CLSTN2: variants seen among roughly 807,000 people sequenced by gnomAD.
The protein encoded by CLSTN2 is calsyntenin-2.
A neutral mutation model predicts 101.2 loss-of-function variants in CLSTN2; 48 were observed. That is an observed-to-expected ratio of 0.47 (90% CI 0.38 to 0.60). The LOEUF (loss-of-function observed/expected upper bound fraction) is 0.60, where lower values mean the gene tolerates loss of function less well. CLSTN2 is among the 20% of genes least tolerant of loss of function. The probability of loss-of-function intolerance (pLI) is 0.00; values close to 1 mark genes in which losing one functional copy is unlikely to be tolerated. For missense variants in CLSTN2, 1,160 were observed against 1,238.2 expected, an observed-to-expected ratio of 0.94 and a Z score of 0.95; for synonymous variants, 481 against 463.6, an observed-to-expected ratio of 1.04 and a Z score of -0.48.
intron 1 of CLSTN2, among the ~76,000 whole-genome samples, chr3:139,954,963 G>T (rs1406015399): frequency 6.6e-6 from 1 of 151,426 alleles, no homozygotes; most frequent in African/African-American, 2.4e-5. Context: ...TAAATGGATG[G>T]GATTTAGTAT....
At chr3:140,542,335 C>CT (rs1327307771) in intron 9 of CLSTN2, among the ~76,000 whole-genome samples, 1 of 152,156 alleles carries the variant, frequency 6.6e-6, no homozygotes. Context: ...TAACAGAAGG[C>CT]TAGTCATACA....
At chr3:140,431,470 A>C (rs1327027122) in intron 5 of CLSTN2, among the ~76,000 whole-genome samples, 1 of 152,122 alleles carries the variant, frequency 6.6e-6, no homozygotes, top group Admixed American at 6.5e-5. Flanking sequence ...CTTCCATTCA[A>C]TAGGACAGCA....
chr3:140,162,072 G>A (rs1292353708), intron 1 of CLSTN2, among the ~76,000 whole-genome samples: 1 of 152,156 alleles, frequency 6.6e-6, no homozygotes, highest in Non-Finnish European at 1.5e-5. Flanking sequence ...TATCTTTAAT[G>A]TCTGGCTTAA....
At chr3:140,298,838 T>A (rs77958616) in intron 2 of CLSTN2, among the ~76,000 whole-genome samples, 1 of 152,298 alleles carries the variant, frequency 6.6e-6, no homozygotes, top group East Asian at 1.9e-4. Flanking sequence ...TGAAGAGGCA[T>A]GAGGGTAGAA....
intron 2 of CLSTN2, among the ~76,000 whole-genome samples, chr3:140,205,629 A>ACC (rs1462275277): frequency 2.8e-5 from 2 of 71,314 alleles, no homozygotes; most frequent in African/African-American, 4.1e-5. Flanking sequence ...CCCCCCACCC[A>ACC]CACACACACA....
At chr3:140,263,177 AGTGAAGGAT>A (rs1316264539) in intron 2 of CLSTN2, among the ~76,000 whole-genome samples, 1 of 152,080 alleles carries the variant, frequency 6.6e-6, no homozygotes, top group African/African-American at 2.4e-5. Flanking sequence ...TATTCAGAGA[AGTGAAGGAT>A]ATATGATGGT....
Position 140,556,588 on chromosome 3 carries a change from A to G in CLSTN2, c.1750A>G (p.Lys584Glu). 3 of 1,614,052 alleles carry G rather than the reference A, an allele frequency of 1.9e-6. No individual in the cohort carries two copies. The highest frequency in any genetic ancestry group is 2.5e-6 in the Non-Finnish European group (3 of 1,179,982). Residue 584 changes from lysine (K) to glutamate (E), a missense_variant, in exon 11 of 17, where the codon AAA (lysine) becomes GAA (glutamate). Transcript: ENST00000458420. ...TGGGAACATTAACCGTGCTCTCCAG[A>G]AAGTCTCCTACATCAACTCCAGGCA... ...DIGNINRALQ[K>E]VSYINSRQFP...
At chr3:140,364,943 T>C (rs959125594) in intron 2 of CLSTN2, among the ~76,000 whole-genome samples, 3 of 152,140 alleles carry the variant, frequency 2.0e-5, no homozygotes, top group African/African-American at 7.2e-5. Context: ...GGGAGGCAGA[T>C]AGAAAACTAG....
intron 1 of CLSTN2, among the ~76,000 whole-genome samples, chr3:140,087,499 T>C (rs2107784002): frequency 1.3e-5 from 2 of 152,336 alleles, no homozygotes; most frequent in Middle Eastern, 3.4e-3. Context: ...ATCTTTCTCT[T>C]GTAAGTAGTT....
At chr3:140,398,108 T>C (rs893693017) in intron 2 of CLSTN2, among the ~76,000 whole-genome samples, 1 of 152,186 alleles carries the variant, frequency 6.6e-6, no homozygotes, top group South Asian at 2.1e-4. Context: ...TGAATAAACA[T>C]AGTTCATCTG....
intron 2 of CLSTN2, among the ~76,000 whole-genome samples, chr3:140,252,188 G>A (rs1326418340): frequency 2.0e-5 from 3 of 152,182 alleles, no homozygotes; most frequent in African/African-American, 7.2e-5. Context: ...GAAATTTTTG[G>A]AAACAAAAGT....
chr3:140,023,330 A>C (rs2007356068), intron 1 of CLSTN2, among the ~76,000 whole-genome samples: 1 of 151,950 alleles, frequency 6.6e-6, no homozygotes, highest in African/African-American at 2.4e-5. Flanking sequence ...AAACAGCTTA[A>C]CTCCCACCAC....
chr3:140,408,757 C>A (rs1357074879), intron 4 of CLSTN2, among the ~76,000 whole-genome samples: 2 of 152,146 alleles, frequency 1.3e-5, no homozygotes, highest in East Asian at 1.9e-4. Flanking sequence ...CATGTATGCC[C>A]CAAAATGGCC....
chr3:140,111,131 A>G (rs1446319050), intron 1 of CLSTN2, among the ~76,000 whole-genome samples: 1 of 152,192 alleles, frequency 6.6e-6, no homozygotes, highest in African/African-American at 2.4e-5. Flanking sequence ...CAAGGGGGCC[A>G]GTGATTCTAT....
At chr3:140,343,776 G>C (rs190706934) in intron 2 of CLSTN2, among the ~76,000 whole-genome samples, 1 of 152,302 alleles carries the variant, frequency 6.6e-6, no homozygotes, top group Non-Finnish European at 1.5e-5. Context: ...AGAGTTTCTA[G>C]GCTGTGACCA....
At chr3:140,375,157 G>T (rs1250551391) in intron 2 of CLSTN2, among the ~76,000 whole-genome samples, 1 of 152,212 alleles carries the variant, frequency 6.6e-6, no homozygotes, top group African/African-American at 2.4e-5. Flanking sequence ...GTGTAGCTGA[G>T]GGGAAAGGTA....
At chr3:140,048,329 T>C (rs934025441) in intron 1 of CLSTN2, among the ~76,000 whole-genome samples, 1 of 152,204 alleles carries the variant, frequency 6.6e-6, no homozygotes, top group African/African-American at 2.4e-5. Flanking sequence ...AATGAGTGGA[T>C]GAATAAAGAT....
chr3:140,066,384 A>G (rs1386618155), intron 1 of CLSTN2, among the ~76,000 whole-genome samples: 1 of 152,228 alleles, frequency 6.6e-6, no homozygotes, highest in Non-Finnish European at 1.5e-5. Flanking sequence ...AATTCTATTT[A>G]TAGCTGCCAA....
chr3:140,093,756 A>G (rs2008821087), intron 1 of CLSTN2, among the ~76,000 whole-genome samples: 1 of 152,236 alleles, frequency 6.6e-6, no homozygotes, highest in Non-Finnish European at 1.5e-5. Context: ...GAACATGGCT[A>G]TTTATAGGTA....
Sources: gnomAD v4.1 joint callset for allele counts (sites outside exome capture counted in the v4.1 genomes callset) on GRCh38, gnomAD v4.1.1 for gene constraint, MANE v1.5 for transcripts, NCBI Gene and HGNC (gene_info 2026-07-23, HGNC 2026-07-21) for gene names.